SPATA9: variants seen among roughly 807,000 people sequenced by gnomAD.
SPATA9 encodes spermatogenesis associated 9, also known as spermatogenesis-associated protein 9.
A neutral mutation model predicts 25.5 loss-of-function variants in SPATA9; 27 were observed. That is an observed-to-expected ratio of 1.06 (90% confidence interval 0.78 to 1.46). The LOEUF is 1.46. Among genes scored for constraint, SPATA9 ranks in the 40% most tolerant of loss-of-function variants. The pLI, the probability that SPATA9 is intolerant of heterozygous loss-of-function variation, is 0.00. For missense variants in SPATA9, 282 were observed against 297.5 expected, an observed-to-expected ratio of 0.95 and a Z score of 0.38; for synonymous variants, 102 against 105.7, an observed-to-expected ratio of 0.97 and a Z score of 0.21.
chr5:95,703,116 G>A (rs1229790857), upstream of SPATA9, among the ~76,000 whole-genome samples: 1 of 152,090 alleles, frequency 6.6e-6, no homozygotes, highest in Non-Finnish European at 1.5e-5. Context: ...ACAGTATTTG[G>A]AACATATTTA....
chr5:95,711,322 A>G, the SPATA9 span, among the ~76,000 whole-genome samples: 1 of 152,104 alleles, frequency 6.6e-6, no homozygotes, highest in African/African-American at 2.4e-5. Flanking sequence ...TCAGAGGTAA[A>G]GAGAGTTAAA....
the SPATA9 span, chr5:95,731,146 C>CG: frequency 4.9e-6 from 5 of 1,014,360 alleles, no homozygotes; most frequent in African/African-American, 8.7e-5. Context: ...CGCGGCGCCC[C>CG]GCGCGGGCGG....
upstream of SPATA9, among the ~76,000 whole-genome samples, chr5:95,702,078 G>A (rs1376693934): frequency 6.6e-6 from 1 of 152,016 alleles, no homozygotes; most frequent in Non-Finnish European, 1.5e-5. Context: ...CTCTCAAGAG[G>A]AAACTTAAGA....
rs1580360320 is a variant in SPATA9 at position 95,698,396 on chromosome 5, G to A, written n.124+192C>T. ...GAGCCAGTCTGAAATTCTCACAGCAGGCTCCATCTGAAGGGGCAGTGTCAG... is the reference window on the plus strand; with the variant it reads ...GAGCCAGTCTGAAATTCTCACAGCAAGCTCCATCTGAAGGGGCAGTGTCAG... On this transcript the variant is annotated intron_variant and non_coding_transcript_variant, in intron 1 of 2. Coordinates refer to the SPATA9 transcript ENST00000379990. 1.3e-5 allele frequency among the ~76,000 whole-genome samples: 2 copies of A among 152,274 alleles called. 1 individual carries two copies.
At chr5:95,661,824 A>G (rs980472830) in intron 4 of SPATA9, among the ~76,000 whole-genome samples, 1 of 152,046 alleles carries the variant, frequency 6.6e-6, no homozygotes, top group African/African-American at 2.4e-5. Context: ...GTCAACTTAC[A>G]TACACACACA....
At chr5:95,699,192 C>T (rs1403706026), upstream of SPATA9, among the ~76,000 whole-genome samples, 1 of 152,204 alleles carries the variant, frequency 6.6e-6, no homozygotes, top group Non-Finnish European at 1.5e-5. Context: ...ATGATTGTAA[C>T]CAGGCTAACC....
chr5:95,654,651 A>T (rs1580266494), downstream of SPATA9, among the ~76,000 whole-genome samples: 1 of 152,294 alleles, frequency 6.6e-6, no homozygotes, highest in Non-Finnish European at 1.5e-5. Context: ...ATGTTTTAAC[A>T]ATCGGAAACT....
At chr5:95,660,376 T>C (rs1179095199) in intron 4 of SPATA9, among the ~76,000 whole-genome samples, 2 of 152,146 alleles carry the variant, frequency 1.3e-5, no homozygotes, top group African/African-American at 4.8e-5. Context: ...AACATAAGAA[T>C]TTGGGGGAAG....
At chr5:95,731,404 T>C in the SPATA9 span, 1 of 1,183,428 alleles carries the variant, frequency 8.5e-7, no homozygotes, top group Non-Finnish European at 1.0e-6. Context: ...TGCGTCCACT[T>C]GGGGCTGTGC....
At chr5:95,684,197 C>T (rs545491764), upstream of SPATA9, among the ~76,000 whole-genome samples, 6 of 152,220 alleles carry the variant, frequency 3.9e-5, no homozygotes, top group African/African-American at 7.2e-5. Flanking sequence ...TGCAATCCAT[C>T]GGTACAAAGA....
At chr5:95,663,324 C>T (rs1297110977) in intron 4 of SPATA9, among the ~76,000 whole-genome samples, 1 of 152,014 alleles carries the variant, frequency 6.6e-6, no homozygotes, top group Non-Finnish European at 1.5e-5. Context: ...AGTAGTATTA[C>T]AAGTCAAAAT....
upstream of SPATA9, among the ~76,000 whole-genome samples, chr5:95,685,782 A>G (rs1206891612): frequency 6.6e-6 from 1 of 152,224 alleles, no homozygotes; most frequent in Non-Finnish European, 1.5e-5. Context: ...TATCAATACA[A>G]ATACATTGGT....
intron 2 of SPATA9, among the ~76,000 whole-genome samples, chr5:95,675,913 C>A (rs1002144375): frequency 6.6e-6 from 1 of 151,440 alleles, no homozygotes; most frequent in East Asian, 1.9e-4. Flanking sequence ...CCTCTGCCTC[C>A]CAGGTTCAAG....
chr5:95,688,791 T>A (rs1304158755), intron 1 of SPATA9, among the ~76,000 whole-genome samples: 2 of 152,122 alleles, frequency 1.3e-5, no homozygotes, highest in Non-Finnish European at 2.9e-5. Flanking sequence ...GGGTAATGAT[T>A]GCACTCATAG....
intron 4 of SPATA9, among the ~76,000 whole-genome samples, chr5:95,663,231 AAAC>A (rs1181122874): frequency 6.6e-6 from 1 of 152,212 alleles, no homozygotes; most frequent in African/African-American, 2.4e-5. Flanking sequence ...AATGATCTTA[AAAC>A]AGTGTTGGGC....
At chr5:95,680,801 T>C (rs916985099) in intron 2 of SPATA9, among the ~76,000 whole-genome samples, 2 of 152,174 alleles carry the variant, frequency 1.3e-5, no homozygotes, top group Non-Finnish European at 2.9e-5. Flanking sequence ...CTCCAAGGCT[T>C]GGACAGGATG....
intron 4 of SPATA9, among the ~76,000 whole-genome samples, chr5:95,660,173 C>T (rs920369451): frequency 3.9e-5 from 6 of 152,100 alleles, no homozygotes; most frequent in African/African-American, 1.4e-4. Flanking sequence ...GATTCAGGGT[C>T]TGGTGAGGGC....
At chr5:95,653,053 C>T in exon 9 of SPATA9, 8 of 1,543,368 alleles carry the variant, frequency 5.2e-6, no homozygotes, top group Non-Finnish European at 7.0e-6. Flanking sequence ...ATGTTCCAGT[C>T]TTCTGGAACA....
the SPATA9 span, chr5:95,731,683 AT>A: frequency 1.2e-6 from 2 of 1,613,456 alleles, no homozygotes; most frequent in South Asian, 1.1e-5. Context: ...ATTTGAGATC[AT>A]GTACGTACGC....
Sources: allele counts gnomAD v4.1 joint callset (sites outside exome capture counted in the v4.1 genomes callset), GRCh38; gene constraint gnomAD v4.1.1; transcripts MANE v1.5; gene names NCBI Gene and HGNC (gene_info 2026-07-23, HGNC 2026-07-21).